Variants in DNAH5 observed in about 807,000 individuals in gnomAD.
The protein encoded by DNAH5 is dynein axonemal heavy chain 5, also known as axonemal beta dynein heavy chain 5.
In DNAH5, 372 loss-of-function variants were observed where a neutral mutation model predicts 518.2. That is an observed-to-expected ratio of 0.72 (90% CI 0.66 to 0.78). The LOEUF (loss-of-function observed/expected upper bound fraction) is 0.78. Among genes scored for constraint, DNAH5 ranks in the 30% least tolerant of loss-of-function variants. The probability of loss-of-function intolerance (pLI) is 0.00; values close to 1 mark genes in which losing one functional copy is unlikely to be tolerated. For synonymous variants in DNAH5, 2,039 were observed against 2,025.9 expected (o/e 1.01, Z -0.17); for missense variants, 5,523 against 5,687.0 (o/e 0.97, Z 0.93).
chr5:13,773,058 C>T (rs921510711), intron 55 of DNAH5, among the ~76,000 whole-genome samples: 1 of 152,140 alleles, frequency 6.6e-6, no homozygotes, highest in African/African-American at 2.4e-5. Flanking sequence ...CATTGATTTT[C>T]CCAACAAGAT....
chr5:13,914,969 C>G (rs1776471232), intron 9 of DNAH5, among the ~76,000 whole-genome samples: 2 of 152,034 alleles, frequency 1.3e-5, no homozygotes, highest in African/African-American at 4.8e-5. Context: ...CCTTAGGTAG[C>G]CTGCTCTAAT....
In DNAH5 at chr5:13,980,440, A is replaced by T. The variant is rs1000114271; in HGVS notation, c.12+31208T>A. On this transcript the variant is annotated intron_variant, in intron 1 of 78. Transcript: ENST00000681290. Reference sequence around the variant, plus strand: ...CATCGAACTCAGCATCTCCCACATCATGTGCCATTTCCGTCCCAAACCCAC... The same window carrying T: ...CATCGAACTCAGCATCTCCCACATCTTGTGCCATTTCCGTCCCAAACCCAC... Among the ~76,000 whole-genome samples, 9 of 151,980 alleles carry T rather than the reference A, an allele frequency of 5.9e-5. No individual in the cohort carries two copies. The East Asian group carries it at 1.6e-3, about 26-fold the overall frequency.
intron 55 of DNAH5, among the ~76,000 whole-genome samples, chr5:13,773,240 G>T (rs906646695): frequency 6.6e-6 from 1 of 152,156 alleles, no homozygotes; most frequent in Admixed American, 6.5e-5. Flanking sequence ...CGATTTAAAT[G>T]TGCAGGTAAA....
At chr5:13,823,141 C>T (rs1580427509) in intron 40 of DNAH5, 122 bp downstream of exon 40, 1 of 784,410 alleles carries the variant, frequency 1.3e-6, no homozygotes, top group East Asian at 2.4e-5. Flanking sequence ...GCAGTGTTAG[C>T]CTCACTGTTG....
chr5:13,856,859 A>T (rs4339352), intron 30 of DNAH5, among the ~76,000 whole-genome samples: 66,560 of 151,512 alleles, frequency 0.44, 14,759 homozygotes, highest in South Asian at 0.5. Context: ...ATGAAACACA[A>T]CTCAAAATAA....
At chr5:13,808,300 G>A (rs1759991169) in intron 46 of DNAH5, among the ~76,000 whole-genome samples, 1 of 151,476 alleles carries the variant, frequency 6.6e-6, no homozygotes, top group African/African-American at 2.4e-5. Flanking sequence ...CAGTGAGAAG[G>A]CAGCCATCTA....
intron 70 of DNAH5, 72 bp downstream of exon 70, chr5:13,727,434 AT>A (rs576270111): frequency 1.3e-4 from 186 of 1,382,312 alleles, no homozygotes; most frequent in Middle Eastern, 5.1e-4. Flanking sequence ...CATTTAAAAT[AT>A]TTTTTTTAAT....
intron 72 of DNAH5, 100 bp from the exon 73 acceptor site, chr5:13,717,620 A>G: frequency 9.8e-7 from 1 of 1,023,438 alleles, no homozygotes; most frequent in Admixed American, 2.0e-5. Flanking sequence ...TGATATTAAA[A>G]TTCACTTACT....
intron 1 of DNAH5, among the ~76,000 whole-genome samples, chr5:14,001,874 C>T (rs1007521366): frequency 1.3e-5 from 2 of 152,010 alleles, no homozygotes; most frequent in African/African-American, 4.8e-5. Context: ...GCAATAAGCC[C>T]AATGGTGATC....
At chr5:13,952,722 A>C (rs934373046) in intron 1 of DNAH5, among the ~76,000 whole-genome samples, 1 of 152,238 alleles carries the variant, frequency 6.6e-6, no homozygotes, top group Non-Finnish European at 1.5e-5. Flanking sequence ...ACTATCAAGA[A>C]AACAATATTT....
In DNAH5 at chr5:13,823,297, C is replaced by A. The variant is rs781496029; in HGVS notation, c.6653G>T (p.Gly2218Val). 1 of 1,613,830 alleles carries A rather than the reference C, an allele frequency of 6.2e-7. No homozygotes were observed. Among genetic ancestry groups the A allele is most frequent in the East Asian group, 2.2e-5 (1 of 44,872 alleles). The change falls in exon 40 of 79, where the codon GGT becomes GTT. Residue 2218 changes from glycine to valine, a missense_variant. Coordinates refer to ENST00000265104, the MANE Select transcript of DNAH5 (RefSeq NM_001369.3). The stretch of plus-strand genomic sequence containing the variant: ...AATTGCTGCTTCCAGTTCAGGGTAA[C>A]CTGCCTTGTCCAGAAGAATATTTGG... ...LFPNILLDKA[G>V]YPELEAAISR...
chr5:13,864,310 G>A, intron 28 of DNAH5, 87 bp downstream of exon 28: 3 of 1,558,530 alleles, frequency 1.9e-6, no homozygotes, highest in Admixed American at 3.3e-5. Context: ...TCTGAGTGTA[G>A]TTTACTGATC....
intron 17 of DNAH5, among the ~76,000 whole-genome samples, chr5:13,887,323 T>C (rs1772571011): frequency 1.3e-5 from 2 of 152,228 alleles, no homozygotes; most frequent in Admixed American, 6.5e-5. Context: ...CTCTTAACTC[T>C]TTCTCTCTGT....
At chr5:13,935,777 G>A (rs540162375) in intron 1 of DNAH5, among the ~76,000 whole-genome samples, 4 of 152,204 alleles carry the variant, frequency 2.6e-5, no homozygotes, top group Non-Finnish European at 1.5e-5. Flanking sequence ...AAGCAGTCAG[G>A]TGACTAGTTC....
intron 52 of DNAH5, among the ~76,000 whole-genome samples, chr5:13,782,827 T>C (rs751809052): frequency 2.0e-5 from 3 of 152,186 alleles, no homozygotes; most frequent in Non-Finnish European, 4.4e-5. Flanking sequence ...AACCTCATAA[T>C]CTAGTTAAAT....
chr5:13,777,531 A>G (rs1356545975), intron 53 of DNAH5, among the ~76,000 whole-genome samples, 176 bp from the exon 54 acceptor site: 1 of 152,226 alleles, frequency 6.6e-6, no homozygotes, highest in Non-Finnish European at 1.5e-5. Context: ...ACATTTCATA[A>G]AACATTATAA....
intron 12 of DNAH5, among the ~76,000 whole-genome samples, chr5:13,909,403 T>A (rs1471474956): frequency 1.3e-5 from 2 of 152,128 alleles, no homozygotes; most frequent in Admixed American, 6.5e-5. Flanking sequence ...TGTACTATAC[T>A]CACCTATTTT....
intron 56 of DNAH5, 107 bp downstream of exon 56, chr5:13,770,642 G>T: frequency 1.1e-6 from 1 of 923,658 alleles, no homozygotes; most frequent in East Asian, 2.6e-5. Context: ...CCACAGCTAT[G>T]ATACACAAAA....
chr5:13,761,656 C>T (rs2126740339), intron 60 of DNAH5, among the ~76,000 whole-genome samples: 1 of 151,326 alleles, frequency 6.6e-6, no homozygotes, highest in Non-Finnish European at 1.5e-5. Context: ...AATGACTGTA[C>T]TTTTCACTTG....
Sources: allele counts gnomAD v4.1 joint callset (sites outside exome capture counted in the v4.1 genomes callset), GRCh38; gene constraint gnomAD v4.1.1; transcripts MANE v1.5; gene names NCBI Gene and HGNC (gene_info 2026-07-23, HGNC 2026-07-21).